Variants in TENT5A observed in about 807,000 individuals in gnomAD.
TENT5A encodes the protein terminal nucleotidyltransferase 5A, also known as HBV X-transactivated gene 11 protein.
TENT5A carries 9 observed loss-of-function variants against 30.2 expected under a neutral mutation model. The ratio of observed to expected loss-of-function variants is 0.30; its 90% confidence interval spans 0.18 to 0.52. TENT5A has a LOEUF of 0.52. TENT5A is among the 20% of genes least tolerant of loss of function. The probability of loss-of-function intolerance (pLI) is 0.97; values close to 1 mark genes in which losing one functional copy is unlikely to be tolerated. For missense variants in TENT5A, 411 were observed against 566.1 expected (o/e 0.73, Z 2.78); for synonymous variants, 264 against 234.2 (o/e 1.13, Z -1.16).
In TENT5A at chr6:81,748,919, A is replaced by G; in HGVS notation, c.*776T>C. 1 of 984,614 alleles carries G rather than the reference A, an allele frequency of 1.0e-6. No homozygotes were observed. The highest frequency in any genetic ancestry group is 1.2e-6 in the Non-Finnish European group (1 of 828,834). The allele number at this position is 984,614 out of a possible 1,614,324, so 61.0% of individuals were successfully genotyped here. Reference sequence around the variant, plus strand: ...TGTAACAAATATAATCTCTCTTCATATAGTCTACTATATCTCTTCTAATTG... The same window carrying G: ...TGTAACAAATATAATCTCTCTTCATGTAGTCTACTATATCTCTTCTAATTG... On this transcript the variant is annotated 3_prime_UTR_variant, in exon 3 of 3. Transcript: ENST00000320172.
At position 81,750,481 on chromosome 6, in the gene TENT5A, A is replaced by C. The variant is rs781489376; in HGVS notation, c.553-10T>G. The C allele has an allele frequency of 3.2e-5, 48 of 1,479,472 alleles. No homozygotes were observed. The highest frequency in any genetic ancestry group is 4.3e-5 in the Non-Finnish European group (47 of 1,103,856). 91.6% of individuals were successfully genotyped at this position (1,479,472 alleles called of 1,614,324 possible). Reference sequence around the variant, plus strand: ...TCTGCACATAAGCTTCCTACAATTTAAAAGATAAAACAAAATGAGCAAACC... The same window carrying C: ...TCTGCACATAAGCTTCCTACAATTTCAAAGATAAAACAAAATGAGCAAACC... On this transcript the variant is annotated splice_polypyrimidine_tract_variant and intron_variant, in intron 2 of 2. Transcript: ENST00000320172. This position sits in a 1 kb window ranked among gnomAD's most constrained non-coding sequence, Gnocchi z 4.2.
Position 81,748,160 on chromosome 6 carries a change from T to A in TENT5A, c.*1535A>T, listed in dbSNP as rs1460959008. 7 of 985,372 alleles carry A rather than the reference T, an allele frequency of 7.1e-6. No homozygotes were observed. The East Asian group carries it at 5.7e-4, about 80-fold the overall frequency. 61.0% of individuals were successfully genotyped at this position (985,372 alleles called of 1,614,324 possible). A position where few individuals can be genotyped will look rare whatever the true frequency, so the allele number is the denominator to read the frequency against. On this transcript the variant is annotated 3_prime_UTR_variant, in exon 3 of 3. Transcript: ENST00000320172. ...TGCAGAATGCATTCATTAAAATTCA[T>A]TTAAACATTAGCAAGTAGTGTTTAG...
rs1051116912 is a variant in TENT5A, at chr6:81,752,481, G to A, written c.-88C>T. 5 of 1,541,830 alleles carry A rather than the reference G, an allele frequency of 3.2e-6. No homozygotes were observed. Among genetic ancestry groups the A allele is most frequent in the Admixed American group, 3.9e-5 (2 of 50,886 alleles). ...GCGCAGCGAGCGAGAGCGAAACCGAGAGGCGGCAACACTTCCAGGAGCTGC... is the reference window on the plus strand; with the variant it reads ...GCGCAGCGAGCGAGAGCGAAACCGAAAGGCGGCAACACTTCCAGGAGCTGC... On this transcript the variant is annotated 5_prime_UTR_variant, in exon 1 of 3. Coordinates refer to ENST00000320172, the MANE Select transcript of TENT5A (RefSeq NM_017633.3).
In TENT5A at chr6:81,748,742, G is replaced by GA. The variant is rs573247146; in HGVS notation, c.*952dup. 501 of 985,442 alleles carry GA rather than the reference G, an allele frequency of 5.1e-4. 3 individuals are homozygous for GA. The African/African-American group carries it at 7.8e-3, about 15-fold the overall frequency. The allele number at this position is 985,442 out of a possible 1,614,324, so 61.0% of individuals were successfully genotyped here. A position where few individuals can be genotyped will look rare whatever the true frequency, so the allele number is the denominator to read the frequency against. Reference sequence around the variant, plus strand: ...GTTAACTTTATACAAGTATTTGCAAGAAAAAATAGGGCATTTTCTCCACCA... The same window carrying GA: ...GTTAACTTTATACAAGTATTTGCAAGAAAAAAATAGGGCATTTTCTCCACCA... On this transcript the variant is annotated 3_prime_UTR_variant, in exon 3 of 3. Coordinates refer to ENST00000320172, the MANE Select transcript of TENT5A (RefSeq NM_017633.3).
intron 2 of TENT5A, among the ~76,000 whole-genome samples, chr6:81,751,043 T>C (rs118172700): frequency 0.047 from 7,157 of 152,208 alleles, 230 homozygotes; most frequent in Admixed American, 0.078. Context: ...TGAACTAAAG[T>C]GGAGGGTGGG....
At position 81,746,628 on chromosome 6, in the gene TENT5A, G is replaced by C; in HGVS notation, c.*3067C>G. The C allele has an allele frequency of 8.1e-7, 1 of 1,231,834 alleles. No individual in the cohort carries two copies. Among genetic ancestry groups the C allele is most frequent in the Non-Finnish European group, 1.0e-6 (1 of 987,788 alleles). The allele number at this position is 1,231,834 out of a possible 1,614,324, so 76.3% of individuals were successfully genotyped here. A position where few individuals can be genotyped will look rare whatever the true frequency, so the allele number is the denominator to read the frequency against. ...CATTGTCACAGGCTATGTGTTCTCT[G>C]ACATGCCAGGCTGGACAGGTGAGAA... On this transcript the variant is annotated 3_prime_UTR_variant, in exon 3 of 3. Coordinates refer to ENST00000320172, the MANE Select transcript of TENT5A (RefSeq NM_017633.3).
In TENT5A at chr6:81,749,400, C is replaced by A; in HGVS notation, c.*295G>T. On this transcript the variant is annotated 3_prime_UTR_variant, in exon 3 of 3. Transcript: ENST00000320172. Reference sequence around the variant, plus strand: ...AAACCCATATTGTCATCACACATTTCTTCTCTTGTATCAGGAGAACCTGGT... The same window carrying A: ...AAACCCATATTGTCATCACACATTTATTCTCTTGTATCAGGAGAACCTGGT... 8.8e-7 allele frequency: 1 copy of A among 1,141,822 alleles called. No individual in the cohort carries two copies. Among genetic ancestry groups the A allele is most frequent in the South Asian group, 4.0e-5 (1 of 25,268 alleles). 70.7% of individuals were successfully genotyped at this position (1,141,822 alleles called of 1,614,324 possible). A position where few individuals can be genotyped will look rare whatever the true frequency, so the allele number is the denominator to read the frequency against.
In TENT5A at chr6:81,750,535, C is replaced by T; in HGVS notation, c.553-64G>A. 1.0e-6 allele frequency: 1 copy of T among 1,001,458 alleles called. No individual in the cohort carries two copies. The highest frequency in any genetic ancestry group is 1.6e-5 in the African/African-American group (1 of 60,878). 62.0% of individuals were successfully genotyped at this position (1,001,458 alleles called of 1,614,324 possible). On this transcript the variant is annotated intron_variant, in intron 2 of 2. Transcript: ENST00000320172. This position sits in a 1 kb window ranked among gnomAD's most constrained non-coding sequence, Gnocchi z 4.2. Reference sequence around the variant, plus strand: ...AAAATAATAAATCAATAAATAAATACATCCTCTTCACAGCTGAGAATTATT... The same window carrying T: ...AAAATAATAAATCAATAAATAAATATATCCTCTTCACAGCTGAGAATTATT...
Position 81,747,932 on chromosome 6 carries a change from G to A in TENT5A, c.*1763C>T, listed in dbSNP as rs1768919035. On this transcript the variant is annotated 3_prime_UTR_variant, in exon 3 of 3. Transcript: ENST00000320172. Reference sequence around the variant, plus strand: ...TTTTTGTAAGAAAGAAAATAAAGTTGGATTTGATTTAATGGAAAGCGATTT... The same window carrying A: ...TTTTTGTAAGAAAGAAAATAAAGTTAGATTTGATTTAATGGAAAGCGATTT... The A allele has an allele frequency of 1.0e-6, 1 of 984,836 alleles. No homozygotes were observed. Among genetic ancestry groups the A allele is most frequent in the Non-Finnish European group, 1.2e-6 (1 of 829,162 alleles). 61.0% of individuals were successfully genotyped at this position (984,836 alleles called of 1,614,324 possible).
Position 81,751,707 on chromosome 6 carries a change from G to A in TENT5A, c.435C>T (p.Cys145=). The A allele has an allele frequency of 6.2e-7, 1 of 1,614,100 alleles. No homozygotes were observed. Residue 145 remains cysteine (C), a synonymous_variant, in exon 2 of 3, where the codon TGC becomes TGT. Transcript: ENST00000320172. ...ACTCCCCTTCCCCGCGCAGGTCGGCGCAGAAGATGAGGTCCAGGTCCTTGT... is the reference window on the plus strand; with the variant it reads ...ACTCCCCTTCCCCGCGCAGGTCGGCACAGAAGATGAGGTCCAGGTCCTTGT... ...LGYKDLDLIF[C]ADLRGEGEFQ...
chr6:81,747,365 A>T lies in TENT5A; in HGVS notation c.*2330T>A. 1 of 985,874 alleles carries T rather than the reference A, an allele frequency of 1.0e-6. No individual in the cohort carries two copies. The highest frequency in any genetic ancestry group is 1.2e-6 in the Non-Finnish European group (1 of 829,922). The allele number at this position is 985,874 out of a possible 1,614,324, so 61.1% of individuals were successfully genotyped here. The stretch of plus-strand genomic sequence containing the variant: ...ATTAATTTTTCAAACCCAGGGCTTA[A>T]GTGAGGGAGACTGAGCCAAGATGGT... On this transcript the variant is annotated 3_prime_UTR_variant, in exon 3 of 3. Transcript: ENST00000320172.
chr6:81,749,560 A>AAAC lies in TENT5A; in HGVS notation c.*132_*134dup. ...AGATACATAAGCTTTGCCAAACTTA[A>AAAC]AACCAGGAGCATATCATCATTGCAC... On this transcript the variant is annotated 3_prime_UTR_variant, in exon 3 of 3. Transcript: ENST00000320172. The AAAC allele has an allele frequency of 1.4e-6, 2 of 1,414,106 alleles. No homozygotes were observed. Among genetic ancestry groups the AAAC allele is most frequent in the Non-Finnish European group, 9.2e-7 (1 of 1,087,276 alleles). 87.6% of individuals were successfully genotyped at this position (1,414,106 alleles called of 1,614,324 possible).
At position 81,748,414 on chromosome 6, in the gene TENT5A, A is replaced by C; in HGVS notation, c.*1281T>G. 2.0e-6 allele frequency: 2 copies of C among 981,070 alleles called. No individual in the cohort carries two copies. Among genetic ancestry groups the C allele is most frequent in the Non-Finnish European group, 2.4e-6 (2 of 826,630 alleles). 60.8% of individuals were successfully genotyped at this position (981,070 alleles called of 1,614,324 possible). ...AAAAAAAAAAAGAAAAAAAAATCCC[A>C]CTAAAACAGTATAATTTCTGCTCTT... On this transcript the variant is annotated 3_prime_UTR_variant, in exon 3 of 3. Transcript: ENST00000320172.
Position 81,747,309 on chromosome 6 carries a change from C to G in TENT5A, c.*2386G>C, listed in dbSNP as rs1768906106. On this transcript the variant is annotated 3_prime_UTR_variant, in exon 3 of 3. Coordinates refer to ENST00000320172, the MANE Select transcript of TENT5A (RefSeq NM_017633.3). The stretch of plus-strand genomic sequence containing the variant: ...ATAGGTGAGTGCCAGGCTTAATCTG[C>G]AAACTGAACAATGTTTCCTGGGAAG... 1 of 985,712 alleles carries G rather than the reference C, an allele frequency of 1.0e-6. No individual in the cohort carries two copies. Among genetic ancestry groups the G allele is most frequent in the African/African-American group, 1.7e-5 (1 of 57,218 alleles). The allele number at this position is 985,712 out of a possible 1,614,324, so 61.1% of individuals were successfully genotyped here.
chr6:81,746,870 G>A lies in TENT5A; in HGVS notation c.*2825C>T. On this transcript the variant is annotated 3_prime_UTR_variant, in exon 3 of 3. Transcript: ENST00000320172. ...TTTCACTGTGTGTTCAACTACATAT[G>A]CACAAGACTATAGTACACACAAAAT... is the stretch of plus-strand genomic sequence containing the variant. 9.1e-7 allele frequency: 1 copy of A among 1,103,102 alleles called. No individual in the cohort carries two copies. Among genetic ancestry groups the A allele is most frequent in the Non-Finnish European group, 1.1e-6 (1 of 906,820 alleles). The allele number at this position is 1,103,102 out of a possible 1,614,324, so 68.3% of individuals were successfully genotyped here.
At position 81,747,339 on chromosome 6, in the gene TENT5A, A is replaced by G. The variant is rs1768907184; in HGVS notation, c.*2356T>C. On this transcript the variant is annotated 3_prime_UTR_variant, in exon 3 of 3. Coordinates refer to ENST00000320172, the MANE Select transcript of TENT5A (RefSeq NM_017633.3). ...TGAACAATGTTTCCTGGGAAGTTGC[A>G]ATTAATTTTTCAAACCCAGGGCTTA... 6 of 985,714 alleles carry G rather than the reference A, an allele frequency of 6.1e-6. No individual in the cohort carries two copies. The highest frequency in any genetic ancestry group is 1.7e-5 in the African/African-American group (1 of 57,224). The allele number at this position is 985,714 out of a possible 1,614,324, so 61.1% of individuals were successfully genotyped here.
Position 81,748,076 on chromosome 6 carries a change from T to C in TENT5A, c.*1619A>G, listed in dbSNP as rs1160040672. 1 of 980,960 alleles carries C rather than the reference T, an allele frequency of 1.0e-6. No homozygotes were observed. The highest frequency in any genetic ancestry group is 1.2e-6 in the Non-Finnish European group (1 of 826,018). 60.8% of individuals were successfully genotyped at this position (980,960 alleles called of 1,614,324 possible). A position where few individuals can be genotyped will look rare whatever the true frequency, so the allele number is the denominator to read the frequency against. On this transcript the variant is annotated 3_prime_UTR_variant, in exon 3 of 3. Coordinates refer to ENST00000320172, the MANE Select transcript of TENT5A (RefSeq NM_017633.3). ...ATCTCATATATAAATTTTAAGCAAT[T>C]GTGCAAATATTCTGTAAAAAGGGTC...
At position 81,751,676 on chromosome 6, in the gene TENT5A, T is replaced by C. The variant is rs1427105421; in HGVS notation, c.466A>G (p.Thr156Ala). Residue 156 changes from threonine to alanine, a missense_variant, in exon 2 of 3, where the codon ACT becomes GCT. Transcript: ENST00000320172. The part of the protein sequence containing the change: ...ADLRGEGEFQ[T>A]VKDVVLDCLL... ...CAGTCCAGCACGACGTCCTTCACAG[T>C]CTGAAACTCCCCTTCCCCGCGCAGG... 1.9e-6 allele frequency: 3 copies of C among 1,614,032 alleles called. No homozygotes were observed. Among genetic ancestry groups the C allele is most frequent in the Admixed American group, 3.3e-5 (2 of 60,004 alleles).
chr6:81,752,209 G>GACGCGCGGCAGCGGAGAGC, intron 1 of TENT5A, 31 bp from the exon 2 acceptor site: 2 of 1,472,876 alleles, frequency 1.4e-6, no homozygotes, highest in Non-Finnish European at 1.8e-6. Flanking sequence ...GCGCGGTGAG[G>GACGCGCGGCAGCGGAGAGC]ACGCGCGGCG....
Sources: gnomAD v4.1 joint callset for allele counts (sites outside exome capture counted in the v4.1 genomes callset) on GRCh38, gnomAD v4.1.1 for gene constraint, Gnocchi (gnomAD v3.1) non-coding constraint, MANE v1.5 for transcripts, NCBI Gene and HGNC (gene_info 2026-07-23, HGNC 2026-07-21) for gene names.